DGKH: variants seen among roughly 807,000 people sequenced by gnomAD.
DGKH encodes diacylglycerol kinase eta.
In DGKH, 90 loss-of-function variants were observed where a neutral mutation model predicts 159.3. That is an observed-to-expected ratio of 0.57 (90% CI 0.48 to 0.67). The LOEUF is 0.67. Ranked by LOEUF, DGKH falls within the 30% of genes least tolerant of loss-of-function variation. DGKH has a pLI of 0.00. For missense variants in DGKH, 1,181 were observed against 1,506.1 expected, an observed-to-expected ratio of 0.78 and a Z score of 3.57; for synonymous variants, 536 against 553.8, an observed-to-expected ratio of 0.97 and a Z score of 0.45.
chr13:42,155,137 CT>C (rs1338674569), intron 3 of DGKH, among the ~76,000 whole-genome samples, 153 bp from the exon 4 acceptor site: 1 of 152,168 alleles, frequency 6.6e-6, no homozygotes, highest in African/African-American at 2.4e-5. Context: ...TAGGCTTTTT[CT>C]TTCCTAGACC....
intron 13 of DGKH, among the ~76,000 whole-genome samples, chr13:42,184,451 G>A (rs1321735596): frequency 6.6e-6 from 1 of 152,178 alleles, no homozygotes; most frequent in East Asian, 1.9e-4. Context: ...AAATCATCAG[G>A]TATGTGAAAT....
chr13:42,128,741 G>A (rs538805387), intron 2 of DGKH, among the ~76,000 whole-genome samples: 2 of 152,206 alleles, frequency 1.3e-5, no homozygotes, highest in African/African-American at 4.8e-5. Context: ...CTTAAAGTTA[G>A]TTGTGTCTAT....
intron 3 of DGKH, among the ~76,000 whole-genome samples, chr13:42,131,867 G>A (rs1297229342): frequency 6.6e-6 from 1 of 152,202 alleles, no homozygotes; most frequent in Non-Finnish European, 1.5e-5. Context: ...AAAGAGTAGG[G>A]GACAGCTTTG....
chr13:42,161,797 AAAG>A (rs1469330875), intron 7 of DGKH, among the ~76,000 whole-genome samples: 4 of 151,936 alleles, frequency 2.6e-5, no homozygotes, highest in Non-Finnish European at 4.4e-5. Flanking sequence ...AAAAAAAAGA[AAAG>A]AAAAGAAAAA....
At chr13:42,162,104 A>G (rs1051062011) in intron 7 of DGKH, among the ~76,000 whole-genome samples, 4 of 152,160 alleles carry the variant, frequency 2.6e-5, no homozygotes, top group African/African-American at 4.8e-5. Flanking sequence ...GCCCCACCCT[A>G]TGTAAGTTGG....
At chr13:42,053,157 G>A (rs911773414) in intron 1 of DGKH, among the ~76,000 whole-genome samples, 1 of 151,798 alleles carries the variant, frequency 6.6e-6, no homozygotes, top group Non-Finnish European at 1.5e-5. Flanking sequence ...GCAACAGTGA[G>A]ACTCCATCTC....
chr13:42,173,965 G>A (rs190700775), intron 11 of DGKH, 95 bp from the exon 12 acceptor site: 18 of 480,352 alleles, frequency 3.7e-5, no homozygotes, highest in Admixed American at 3.5e-4. Context: ...GTGTGCGTGC[G>A]TGTGTGTGTG....
Position 42,159,501 on chromosome 13 carries a change from A to C in DGKH, c.729+129A>C, listed in dbSNP as rs548314162. 3 of 728,488 alleles carry C rather than the reference A, an allele frequency of 4.1e-6. No homozygotes were observed. In the Admixed American group the frequency reaches 8.0e-5, roughly 19 times the overall value. The allele number at this position is 728,488 out of a possible 1,614,324, so 45.1% of individuals were successfully genotyped here. On this transcript the variant is annotated intron_variant, in intron 6 of 29. Coordinates refer to ENST00000337343, the MANE Select transcript of DGKH (RefSeq NM_178009.5). ...TTAATAGAAGGTTTGGTTGATTCTG[A>C]GTTTTTATTTTTAATTCAATCCTTC...
intron 26 of DGKH, among the ~76,000 whole-genome samples, chr13:42,217,197 A>G (rs963091270): frequency 2.0e-5 from 3 of 152,246 alleles, no homozygotes; most frequent in Non-Finnish European, 4.4e-5. Flanking sequence ...TATACGTTTT[A>G]TAACACATAT....
chr13:42,168,920 A>G (rs1430421750), intron 11 of DGKH, 102 bp downstream of exon 11: 22 of 1,311,082 alleles, frequency 1.7e-5, no homozygotes, highest in Middle Eastern at 2.8e-4. Flanking sequence ...TTTACTGACT[A>G]GAAGCTCCAC....
At chr13:42,221,163 A>G (rs1355811287) in intron 28 of DGKH, 101 bp from the exon 29 acceptor site, 3 of 1,456,338 alleles carry the variant, frequency 2.1e-6, no homozygotes, top group Non-Finnish European at 2.8e-6. Flanking sequence ...TTTTGCTAGC[A>G]CTGCCGCTGC....
At chr13:42,073,749 G>T (rs1019954041) in intron 1 of DGKH, among the ~76,000 whole-genome samples, 1 of 152,208 alleles carries the variant, frequency 6.6e-6, no homozygotes, top group Non-Finnish European at 1.5e-5. Context: ...ATACAACCAT[G>T]CATGCAAATA....
intron 26 of DGKH, among the ~76,000 whole-genome samples, chr13:42,218,878 A>C (rs1317078654): frequency 2.6e-5 from 4 of 152,164 alleles, no homozygotes; most frequent in Non-Finnish European, 5.9e-5. Context: ...ACACTTATAC[A>C]ACCAGGAAGA....
intron 9 of DGKH, 28 bp downstream of exon 9, chr13:42,166,702 G>T (rs1286700068): frequency 2.4e-5 from 37 of 1,547,122 alleles, no homozygotes; most frequent in Non-Finnish European, 3.0e-5. Flanking sequence ...AATCTTATTT[G>T]AATACAATGT....
At chr13:42,103,697 A>AG (rs1215299837) in intron 1 of DGKH, among the ~76,000 whole-genome samples, 1 of 152,212 alleles carries the variant, frequency 6.6e-6, no homozygotes, top group African/African-American at 2.4e-5. Context: ...GCTAATGGCA[A>AG]GGGGAAAGGA....
Position 42,187,050 on chromosome 13 carries a change from A to G in DGKH, c.1540A>G (p.Thr514Ala). 7 of 1,613,652 alleles carry G rather than the reference A, an allele frequency of 4.3e-6. No individual in the cohort carries two copies. The highest frequency in any genetic ancestry group is 1.1e-5 in the South Asian group (1 of 91,044). The change falls in exon 14 of 30, where the codon ACG (threonine) becomes GCG (alanine). Residue 514 changes from threonine (T) to alanine (A), a missense_variant and splice_region_variant. By Grantham distance (58) the Thr-to-Ala change is moderately conservative. Around this residue, in one of 5 missense-constraint regions of DGKH, gnomAD observed 369 missense variants for 519.4 expected, o/e 0.71. Transcript: ENST00000337343. ...TTGTACAACTTCTTTTCCTCAAAGG[A>G]CGCTATGTGAAACTGTAAAGGACTT... ...EHAVVISSAK[T>A]LCETVKDFVA...
intron 25 of DGKH, among the ~76,000 whole-genome samples, chr13:42,215,077 A>C (rs1349684800): frequency 1.3e-5 from 2 of 152,052 alleles, no homozygotes; most frequent in Admixed American, 6.6e-5. Flanking sequence ...TTAATGTATA[A>C]GTTAATAATA....
chr13:42,117,355 C>A (rs1180082502), intron 1 of DGKH, among the ~76,000 whole-genome samples: 1 of 152,050 alleles, frequency 6.6e-6, no homozygotes, highest in African/African-American at 2.4e-5. Context: ...TTTTCTTAAC[C>A]ACACTTTGAT....
At chr13:42,175,288 T>A (rs1291403175) in intron 12 of DGKH, among the ~76,000 whole-genome samples, 1 of 152,160 alleles carries the variant, frequency 6.6e-6, no homozygotes, top group Non-Finnish European at 1.5e-5. Context: ...AAACTGCTTC[T>A]AAAAAAATTT....
Sources: gnomAD v4.1 joint callset for allele counts (sites outside exome capture counted in the v4.1 genomes callset) on GRCh38, gnomAD v4.1.1 for gene constraint, gnomAD v4.1.1 regional missense constraint, MANE v1.5 for transcripts, NCBI Gene and HGNC (gene_info 2026-07-23, HGNC 2026-07-21) for gene names.